Variants in TUSC3 observed in about 807,000 individuals in gnomAD.
TUSC3 encodes dolichyl-diphosphooligosaccharide--protein glycosyltransferase subunit TUSC3.
In TUSC3, 45 loss-of-function variants were observed where a neutral mutation model predicts 44.8. The observed-to-expected ratio is 1.00, with a 90% CI of 0.79 to 1.29. The LOEUF (loss-of-function observed/expected upper bound fraction) is 1.29, where lower values mean the gene tolerates loss of function less well. Among genes scored for constraint, TUSC3 ranks in the 50% most tolerant of loss-of-function variants. The pLI is 0.00. For missense variants in TUSC3, 519 were observed against 437.9 expected, an observed-to-expected ratio of 1.19 and a Z score of -1.65; for synonymous variants, 212 against 152.9, an observed-to-expected ratio of 1.39 and a Z score of -2.85.
rs554269604 is a variant in TUSC3, at chr8:15,737,172, T to A, written c.863-6366T>A. Among the ~76,000 whole-genome samples the A allele has an allele frequency of 7.2e-5, 11 of 152,228 alleles. No individual in the cohort carries two copies. The East Asian group carries it at 2.1e-3, about 29-fold the overall frequency. On this transcript the variant is annotated intron_variant, in intron 7 of 10. Coordinates refer to ENST00000503731, the MANE Select transcript of TUSC3 (RefSeq NM_006765.4). ...AATGTGTTATATCCAAGGAGAAACATACTATAGAAAAAAATTAATGATAGA... is the reference window on the plus strand; with the variant it reads ...AATGTGTTATATCCAAGGAGAAACAAACTATAGAAAAAAATTAATGATAGA...
chr8:15,809,797 A>C, the TUSC3 span, among the ~76,000 whole-genome samples: 1 of 152,198 alleles, frequency 6.6e-6, no homozygotes, highest in East Asian at 1.9e-4. Context: ...ATTACTTAAC[A>C]GTTCTCAACA....
intron 2 of TUSC3, among the ~76,000 whole-genome samples, chr8:15,532,065 G>T (rs1360232571): frequency 6.6e-6 from 1 of 151,998 alleles, no homozygotes; most frequent in Non-Finnish European, 1.5e-5. Flanking sequence ...ACTCTTTTTT[G>T]TGTGTATATA....
At chr8:15,803,875 G>A in the TUSC3 span, among the ~76,000 whole-genome samples, 16 of 152,276 alleles carry the variant, frequency 1.1e-4, no homozygotes, top group African/African-American at 3.6e-4. Context: ...CAAAGGACAT[G>A]AACTCATTCT....
chr8:15,554,296 A>T (rs10109148), intron 1 of TUSC3, among the ~76,000 whole-genome samples: 29,914 of 151,594 alleles, frequency 0.2, 3,381 homozygotes, highest in South Asian at 0.25. Context: ...CCACATGACT[A>T]ACTTTAGCCT....
chr8:15,543,910 TTGTG>T (rs34091995), intron 1 of TUSC3, among the ~76,000 whole-genome samples: 165 of 148,712 alleles, frequency 1.1e-3, no homozygotes, highest in Middle Eastern at 3.5e-3. Context: ...TCCCATGGAT[TTGTG>T]TGTGTGTGTG....
the TUSC3 span, among the ~76,000 whole-genome samples, chr8:15,846,745 G>C: frequency 6.6e-6 from 1 of 152,062 alleles, no homozygotes; most frequent in Non-Finnish European, 1.5e-5. Flanking sequence ...GGGAGGAATA[G>C]CGTTAGGAGA....
chr8:15,547,116 A>G (rs1226398231), intron 1 of TUSC3, among the ~76,000 whole-genome samples: 1 of 151,738 alleles, frequency 6.6e-6, no homozygotes, highest in Admixed American at 6.6e-5. Context: ...CAAGTTTGAT[A>G]TTTGAAGGTG....
chr8:15,448,880 T>G (rs990188516), intron 1 of TUSC3, among the ~76,000 whole-genome samples: 9 of 152,264 alleles, frequency 5.9e-5, no homozygotes, highest in African/African-American at 1.7e-4. Flanking sequence ...AGGTGAAAAA[T>G]TTCTATCACC....
Position 15,764,574 on chromosome 8 carries a change from A to G in TUSC3, c.*418A>G, listed in dbSNP as rs1812275061. On this transcript the variant is annotated 3_prime_UTR_variant, in exon 11 of 11. Transcript: ENST00000503731. ...GAAATGTATGTTAAAGATTCTTAGT[A>G]TTGTACAGGGATAAAGCAAATGCAT... 3.8e-6 allele frequency: 1 copy of G among 261,030 alleles called. No individual in the cohort carries two copies. The highest frequency in any genetic ancestry group is 5.0e-5 in the Admixed American group (1 of 20,022). 16.2% of individuals were successfully genotyped at this position (261,030 alleles called of 1,614,324 possible).
chr8:15,713,548 A>G (rs1045634002), intron 6 of TUSC3, among the ~76,000 whole-genome samples: 1 of 152,144 alleles, frequency 6.6e-6, no homozygotes, highest in African/African-American at 2.4e-5. Context: ...CCAACAACAG[A>G]AAATGTATTT....
chr8:15,630,598 A>T (rs1279917055), intron 2 of TUSC3, among the ~76,000 whole-genome samples: 1 of 151,992 alleles, frequency 6.6e-6, no homozygotes, highest in African/African-American at 2.4e-5. Context: ...GCGATTTGTG[A>T]CTCCAGAGCT....
At chr8:15,601,175 C>T (rs1052407466) in intron 1 of TUSC3, among the ~76,000 whole-genome samples, 3 of 151,694 alleles carry the variant, frequency 2.0e-5, no homozygotes, top group African/African-American at 7.3e-5. Context: ...GAGTTTTAAA[C>T]TCATTTCCAA....
intron 2 of TUSC3, among the ~76,000 whole-genome samples, chr8:15,644,612 G>A (rs1563150995): frequency 6.6e-6 from 1 of 152,006 alleles, no homozygotes; most frequent in Non-Finnish European, 1.5e-5. Context: ...CCTATTAAAC[G>A]TTAAGAAGTT....
Position 15,515,486 on chromosome 8 carries a change from A to G in TUSC3, n.189+32003A>G, listed in dbSNP as rs541334541. The stretch of plus-strand genomic sequence containing the variant: ...AGTCATTCAGCATCTTTCTGACTCT[A>G]GCAAATGACTGACGGTAGCAAATTT... On this transcript the variant is annotated intron_variant and non_coding_transcript_variant, in intron 2 of 5. Coordinates refer to the TUSC3 transcript ENST00000503191. 2.0e-5 allele frequency among the ~76,000 whole-genome samples: 3 copies of G among 152,278 alleles called. No individual in the cohort carries two copies. In the South Asian group the frequency reaches 6.2e-4, roughly 32 times the overall value.
chr8:15,473,077 C>G lies in TUSC3; in HGVS notation n.92-10309C>G, dbSNP rs139227307. On this transcript the variant is annotated intron_variant and non_coding_transcript_variant, in intron 1 of 5. Transcript: ENST00000503191. ...TGAAGTTGGATGGAAAATATCTCAA[C>G]TTGGGCCTGTGTTTCTCATTCTTTT... Among the ~76,000 whole-genome samples, 868 of 152,260 alleles carry G rather than the reference C, an allele frequency of 5.7e-3. 7 individuals carry two copies. Among genetic ancestry groups the G allele is most frequent in the African/African-American group, 0.019 (806 of 41,546 alleles).
chr8:15,457,877 T>TAAC (rs1450270083), intron 1 of TUSC3, among the ~76,000 whole-genome samples: 23 of 143,762 alleles, frequency 1.6e-4, no homozygotes, highest in Non-Finnish European at 2.9e-4. Context: ...ATTAATTAGA[T>TAAC]AATTACTAAT....
chr8:15,530,321 C>T (rs947370536), intron 2 of TUSC3, among the ~76,000 whole-genome samples: 1 of 152,044 alleles, frequency 6.6e-6, no homozygotes, highest in Admixed American at 6.6e-5. Context: ...CCTGTGTTTA[C>T]CCTAGTGTCT....
chr8:15,688,677 C>T (rs1306886379), intron 6 of TUSC3, among the ~76,000 whole-genome samples: 5 of 152,078 alleles, frequency 3.3e-5, no homozygotes, highest in East Asian at 1.9e-4. Context: ...CAAAAGCACA[C>T]GTTGAGGCTG....
chr8:15,790,825 G>A, the TUSC3 span, among the ~76,000 whole-genome samples: 1 of 152,178 alleles, frequency 6.6e-6, no homozygotes, highest in Non-Finnish European at 1.5e-5. Context: ...TCACAAGTGA[G>A]GAGAGGAGGG....
Sources: gnomAD v4.1 joint callset for allele counts (sites outside exome capture counted in the v4.1 genomes callset) on GRCh38, gnomAD v4.1.1 for gene constraint, MANE v1.5 for transcripts, NCBI Gene and HGNC (gene_info 2026-07-23, HGNC 2026-07-21) for gene names.